The following DNAH9 variants were observed in gnomAD, a reference collection of about 807,000 sequenced individuals.
The protein encoded by DNAH9 is dynein axonemal heavy chain 9, also known as DNAH9 variant protein.
In DNAH9, 345 loss-of-function variants were observed where a neutral mutation model predicts 471.6. That is an observed-to-expected ratio of 0.73 (90% CI 0.67 to 0.80). DNAH9 has a LOEUF of 0.80. Ranked by LOEUF, DNAH9 falls within the 30% of genes least tolerant of loss-of-function variation. The pLI is 0.00. For synonymous variants in DNAH9, 2,093 were observed against 2,123.6 expected, an observed-to-expected ratio of 0.99 and a Z score of 0.40; for missense variants, 5,407 against 5,609.2, an observed-to-expected ratio of 0.96 and a Z score of 1.15.
Position 11,621,023 on chromosome 17 carries a change from G to T in DNAH9, c.1350+1242G>T, listed in dbSNP as rs982358813. Among the ~76,000 whole-genome samples, 3 of 152,094 alleles carry T rather than the reference G, an allele frequency of 2.0e-5. No individual in the cohort carries two copies. In the East Asian group the frequency reaches 5.8e-4, roughly 29 times the overall value. ...GTCTCTCAACATTTTACAGCTATGTGTTTGCTGATTGGACTTGGAAGGGAG... is the reference window on the plus strand; with the variant it reads ...GTCTCTCAACATTTTACAGCTATGTTTTTGCTGATTGGACTTGGAAGGGAG... On this transcript the variant is annotated intron_variant, in intron 6 of 68. Coordinates refer to ENST00000262442, the MANE Select transcript of DNAH9 (RefSeq NM_001372.4).
chr17:11,898,642 C>T (rs531832377), intron 59 of DNAH9, among the ~76,000 whole-genome samples: 4 of 152,118 alleles, frequency 2.6e-5, no homozygotes, highest in Non-Finnish European at 5.9e-5. Context: ...ATGCTATAGT[C>T]GATATGGATT....
rs1974613295 is a variant in DNAH9 at position 11,934,089 on chromosome 17, G to C, written c.12489+18G>C. 1 of 1,605,870 alleles carries C rather than the reference G, an allele frequency of 6.2e-7. No individual in the cohort carries two copies. The highest frequency in any genetic ancestry group is 8.5e-7 in the Non-Finnish European group (1 of 1,175,030). ...ATCATCAGGTGAGACTCTGCTCTGT[G>C]CTTCTGATGTCGTGAGGGTGCTCAC... On this transcript the variant is annotated intron_variant, in intron 65 of 68. Coordinates refer to ENST00000262442, the MANE Select transcript of DNAH9 (RefSeq NM_001372.4).
At chr17:11,843,861 G>GTATATATATATATA (rs1166364623) in intron 49 of DNAH9, among the ~76,000 whole-genome samples, 229 of 54,124 alleles carry the variant, frequency 4.2e-3, no homozygotes, top group African/African-American at 0.01. Context: ...GTGTGTGTGT[G>GTATATATATATATA]TGTATATATA....
chr17:11,601,564 A>G (rs1392797283), intron 1 of DNAH9, among the ~76,000 whole-genome samples: 6 of 152,166 alleles, frequency 3.9e-5, no homozygotes, highest in Admixed American at 6.5e-5. Flanking sequence ...AAATAACTCA[A>G]GTCCTTTCCT....
chr17:11,955,047 A>G (rs897230054), intron 67 of DNAH9, among the ~76,000 whole-genome samples: 2 of 152,194 alleles, frequency 1.3e-5, no homozygotes, highest in Non-Finnish European at 2.9e-5. Context: ...AGCATATTGT[A>G]TATGATTCTT....
intron 22 of DNAH9, among the ~76,000 whole-genome samples, chr17:11,696,807 T>C (rs1467896091): frequency 6.6e-6 from 1 of 152,220 alleles, no homozygotes; most frequent in Non-Finnish European, 1.5e-5. Context: ...ATTATAACTG[T>C]ATTTTTATTC....
intron 49 of DNAH9, among the ~76,000 whole-genome samples, chr17:11,837,683 T>C (rs1378773069): frequency 1.3e-5 from 2 of 152,220 alleles, no homozygotes; most frequent in Non-Finnish European, 2.9e-5. Context: ...GTCATCTCTG[T>C]GTTCAGAATC....
At chr17:11,642,016 T>G (rs2073283329) in intron 10 of DNAH9, among the ~76,000 whole-genome samples, 1 of 152,022 alleles carries the variant, frequency 6.6e-6, no homozygotes, top group Non-Finnish European at 1.5e-5. Flanking sequence ...GGGCGTGACC[T>G]TTGGGTGAGG....
chr17:11,953,136 A>G (rs533299299), intron 67 of DNAH9, among the ~76,000 whole-genome samples: 148 of 152,322 alleles, frequency 9.7e-4, no homozygotes, highest in African/African-American at 3.5e-3. Context: ...ATACAGTCAC[A>G]TGGAGGGTTG....
At chr17:11,924,029 CT>C in intron 62 of DNAH9, 88 bp downstream of exon 62, 1 of 1,526,990 alleles carries the variant, frequency 6.5e-7, no homozygotes, top group Non-Finnish European at 8.9e-7. Context: ...CTCTTAGCTT[CT>C]CCCCATCTGT....
intron 53 of DNAH9, 108 bp from the exon 54 acceptor site, chr17:11,879,970 C>T: frequency 7.5e-7 from 1 of 1,330,724 alleles, no homozygotes; most frequent in Non-Finnish European, 1.0e-6. Flanking sequence ...ATAGCTGTGC[C>T]TCCAACTATA....
chr17:11,834,606 C>T (rs765023245), intron 48 of DNAH9, 32 bp from the exon 49 acceptor site: 15 of 1,611,960 alleles, frequency 9.3e-6, no homozygotes, highest in Non-Finnish European at 1.3e-5. Context: ...CCAGTCACAA[C>T]TCCTGATAAG....
At chr17:11,823,483 G>A (rs1021153866) in intron 48 of DNAH9, among the ~76,000 whole-genome samples, 4 of 152,166 alleles carry the variant, frequency 2.6e-5, no homozygotes, top group African/African-American at 9.7e-5. Context: ...AGGAAATGGG[G>A]AATGGCTGCA....
intron 67 of DNAH9, among the ~76,000 whole-genome samples, chr17:11,945,553 A>G (rs1358518123): frequency 3.3e-5 from 5 of 151,540 alleles, no homozygotes; most frequent in Non-Finnish European, 5.9e-5. Context: ...AAAAAAAAAA[A>G]TCACTTTAAA....
rs528367671 is a variant in DNAH9 at position 11,964,517 on chromosome 17, C to T, written c.13233+2261C>T. 8.0e-4 allele frequency among the ~76,000 whole-genome samples: 122 copies of T among 152,216 alleles called. 1 individual carries two copies. Among genetic ancestry groups the T allele is most frequent in the South Asian group, 1.0e-3 (5 of 4,824 alleles). On this transcript the variant is annotated intron_variant, in intron 68 of 68. Coordinates refer to ENST00000262442, the MANE Select transcript of DNAH9 (RefSeq NM_001372.4). ...CAAAGGTTTTATCCCAGAAAGATGT[C>T]GGCAAAAATGGAAGAGTCAGGACCT...
rs1229208401 is a variant in DNAH9, at chr17:11,769,271, G to A, written c.7494G>A (p.Glu2498=). The A allele has an allele frequency of 3.7e-6, 6 of 1,614,082 alleles. No homozygotes were observed. Among genetic ancestry groups the A allele is most frequent in the Non-Finnish European group, 3.4e-6 (4 of 1,180,020 alleles). ...VGAKLASLDP[E]AYLVKNVPFN... ...CTAAGCTGGCCAGCCTTGACCCCGA[G>A]GCATACCTGGTGAAAAACGTGCCAT... Residue 2498 remains glutamate, a synonymous_variant, in exon 38 of 69, where the codon GAG becomes GAA. Transcript: ENST00000262442.
chr17:11,942,856 A>G (rs1974973934), intron 67 of DNAH9, among the ~76,000 whole-genome samples: 2 of 151,046 alleles, frequency 1.3e-5, no homozygotes, highest in Non-Finnish European at 2.9e-5. Flanking sequence ...TGAGGAGCTG[A>G]GGAAGGTGAC....
At chr17:11,933,847 TTC>T (rs1974602451) in intron 64 of DNAH9, 31 bp from the exon 65 acceptor site, 1 of 1,589,984 alleles carries the variant, frequency 6.3e-7, no homozygotes, top group Non-Finnish European at 8.6e-7. Context: ...GAGGTCTTTC[TTC>T]CTTCCTCTCT....
At chr17:11,754,145 A>C (rs1432791688) in intron 33 of DNAH9, among the ~76,000 whole-genome samples, 1 of 149,656 alleles carries the variant, frequency 6.7e-6, no homozygotes, top group Non-Finnish European at 1.5e-5. Flanking sequence ...AAAAAAAAAA[A>C]CAAAACATGA....
Sources: allele counts gnomAD v4.1 joint callset (sites outside exome capture counted in the v4.1 genomes callset), GRCh38; gene constraint gnomAD v4.1.1; transcripts MANE v1.5; gene names NCBI Gene and HGNC (gene_info 2026-07-23, HGNC 2026-07-21).